The following LITAF variants were observed in gnomAD, a reference collection of about 807,000 sequenced individuals.
The protein encoded by LITAF is lipopolysaccharide induced TNF factor, also known as lipopolysaccharide-induced tumor necrosis factor-alpha factor.
In LITAF, 9 loss-of-function variants were observed where a neutral mutation model predicts 14.5. That is an observed-to-expected ratio of 0.62 (90% CI 0.37 to 1.08). LITAF has a LOEUF of 1.08. Among genes scored for constraint, LITAF ranks in the 50% least tolerant of loss-of-function variants. LITAF has a pLI of 0.01. For missense variants in LITAF, 206 were observed against 213.4 expected, an observed-to-expected ratio of 0.97 and a Z score of 0.22; for synonymous variants, 98 against 88.2, an observed-to-expected ratio of 1.11 and a Z score of -0.62.
chr16:11,636,153 T>C (rs554678265), intron 1 of LITAF: 1 of 152,286 alleles, frequency 6.6e-6, no homozygotes, highest in South Asian at 2.1e-4. Flanking sequence ...TTCTCCAGCC[T>C]CCTCGGAGCC....
At chr16:11,622,878 G>A (rs80225151) in intron 3 of LITAF, among the ~76,000 whole-genome samples, 1,767 of 151,672 alleles carry the variant, frequency 0.012, 22 homozygotes, top group Non-Finnish European at 0.018. Context: ...TGTGAAACAG[G>A]TATTTCGTAT....
chr16:11,548,335 T>C lies in LITAF; in HGVS notation c.*1302A>G, dbSNP rs1338209369. The C allele has an allele frequency of 4.4e-6, 2 of 454,058 alleles. No homozygotes were observed. The highest frequency in any genetic ancestry group is 2.0e-5 in the African/African-American group (1 of 50,116). 28.1% of individuals were successfully genotyped at this position (454,058 alleles called of 1,614,324 possible). ...TGCTGCTTGAGTCCTAGAAATCATG[T>C]CTTCTCATGTTTTACAACAAGCTGT... On this transcript the variant is annotated 3_prime_UTR_variant, in exon 4 of 4. Transcript: ENST00000622633.
At position 11,547,761 on chromosome 16, in the gene LITAF, C is replaced by T. The variant is rs1157690021; in HGVS notation, c.*1876G>A. The T allele has an allele frequency of 2.2e-6, 1 of 453,418 alleles. No homozygotes were observed. The highest frequency in any genetic ancestry group is 4.4e-6 in the Non-Finnish European group (1 of 226,304). 28.1% of individuals were successfully genotyped at this position (453,418 alleles called of 1,614,324 possible). ...TTTTATTAAAACTTGAAAGCTATGG[C>T]TTGCCGCCATCAATGACGCCTATTG... On this transcript the variant is annotated 3_prime_UTR_variant, in exon 4 of 4. Coordinates refer to ENST00000622633, the MANE Select transcript of LITAF (RefSeq NM_001136472.2).
At position 11,553,033 on chromosome 16, in the gene LITAF, T is replaced by G. The variant is rs185230182; in HGVS notation, c.377+500A>C. Among the ~76,000 whole-genome samples, 448 of 152,214 alleles carry G rather than the reference T, an allele frequency of 2.9e-3. 1 individual carries two copies. The highest frequency in any genetic ancestry group is 0.01 in the African/African-American group (435 of 41,550). On this transcript the variant is annotated intron_variant, in intron 3 of 3. Coordinates refer to ENST00000622633, the MANE Select transcript of LITAF (RefSeq NM_001136472.2). This position sits in a 1 kb window ranked among gnomAD's most constrained non-coding sequence, Gnocchi z 7.7. Reference sequence around the variant, plus strand: ...AGGAGGCTGAGGCAGGAGAATAGCTTGAACCTGGGAGGCGGAGGTTGCAGT... The same window carrying G: ...AGGAGGCTGAGGCAGGAGAATAGCTGGAACCTGGGAGGCGGAGGTTGCAGT...
intron 1 of LITAF, among the ~76,000 whole-genome samples, chr16:11,565,886 G>A (rs1330664990): frequency 6.6e-6 from 1 of 151,696 alleles, no homozygotes; most frequent in Non-Finnish European, 1.5e-5. Flanking sequence ...CATTCCTCCT[G>A]GAGCCTCTCT....
At chr16:11,577,843 G>A (rs1288518895) in intron 1 of LITAF, among the ~76,000 whole-genome samples, 2 of 152,118 alleles carry the variant, frequency 1.3e-5, no homozygotes, top group African/African-American at 4.8e-5. Context: ...TCCTCCCTCA[G>A]CCTCTCGAGT....
Position 11,549,826 on chromosome 16 carries a change from C to G in LITAF, c.378-81G>C, listed in dbSNP as rs780496793. On this transcript the variant is annotated intron_variant, in intron 3 of 3. Transcript: ENST00000622633. This position sits in a 1 kb window ranked among gnomAD's most constrained non-coding sequence, Gnocchi z 4.6. The stretch of plus-strand genomic sequence containing the variant: ...TGGCTGCCAAAACCATGTTCATGTC[C>G]TTCTTTGTAAAAAGGGTCTTTGCCA... The G allele has an allele frequency of 9.1e-7, 1 of 1,099,972 alleles. No individual in the cohort carries two copies. The highest frequency in any genetic ancestry group is 1.6e-5 in the African/African-American group (1 of 64,390). The allele number at this position is 1,099,972 out of a possible 1,614,324, so 68.1% of individuals were successfully genotyped here.
At chr16:11,562,249 G>T (rs1420179174) in intron 1 of LITAF, among the ~76,000 whole-genome samples, 1 of 147,948 alleles carries the variant, frequency 6.8e-6, no homozygotes, top group East Asian at 2.0e-4. Context: ...GGGAGATGGA[G>T]GCTGCAGTGA....
rs1050070770 is a variant in LITAF, at chr16:11,586,154, G to A, written c.-6+732C>T. On this transcript the variant is annotated intron_variant, in intron 1 of 3. Coordinates refer to ENST00000622633, the MANE Select transcript of LITAF (RefSeq NM_001136472.2). The surrounding 1 kb of genome is among the most constrained non-coding windows in gnomAD (Gnocchi z 6.5). Reference sequence around the variant, plus strand: ...GTCCCACCAGCACCTACCCAGCACCGGCGGTGGACGGTGAGCGGCGTCTGG... The same window carrying A: ...GTCCCACCAGCACCTACCCAGCACCAGCGGTGGACGGTGAGCGGCGTCTGG... The A allele has an allele frequency of 6.6e-6, 1 of 152,370 alleles. No individual in the cohort carries two copies. Among genetic ancestry groups the A allele is most frequent in the African/African-American group, 2.4e-5 (1 of 41,462 alleles). The allele number at this position is 152,370 out of a possible 1,614,324, so 9.4% of individuals were successfully genotyped here. A position where few individuals can be genotyped will look rare whatever the true frequency, so the allele number is the denominator to read the frequency against.
At chr16:11,559,211 A>G (rs2064319818) in intron 1 of LITAF, among the ~76,000 whole-genome samples, 1 of 152,176 alleles carries the variant, frequency 6.6e-6, no homozygotes, top group African/African-American at 2.4e-5. Context: ...AGCCATGATC[A>G]TGCCACTGCA....
Position 11,548,279 on chromosome 16 carries a change from A to T in LITAF, c.*1358T>A, listed in dbSNP as rs1366800396. Reference sequence around the variant, plus strand: ...GCCCAGCTTTGTCTTGACTTCAAAGATGACACAGCAGCCAACCTAGAATCC... The same window carrying T: ...GCCCAGCTTTGTCTTGACTTCAAAGTTGACACAGCAGCCAACCTAGAATCC... On this transcript the variant is annotated 3_prime_UTR_variant, in exon 4 of 4. Transcript: ENST00000622633. 8 of 453,942 alleles carry T rather than the reference A, an allele frequency of 1.8e-5. No homozygotes were observed. In the East Asian group the frequency reaches 2.1e-4, roughly 12 times the overall value. The allele number at this position is 453,942 out of a possible 1,614,324, so 28.1% of individuals were successfully genotyped here.
chr16:11,551,920 C>CTT (rs34257398), intron 3 of LITAF: 198 of 368,426 alleles, frequency 5.4e-4, no homozygotes, highest in East Asian at 2.1e-3. Flanking sequence ...AGGCAATGGA[C>CTT]TTTTTTTTTT....
upstream of LITAF, among the ~76,000 whole-genome samples, chr16:11,588,521 GA>G (rs1213450078): frequency 1.0e-3 from 85 of 81,986 alleles, no homozygotes; most frequent in South Asian, 3.7e-3. Flanking sequence ...AAAAGAGAAA[GA>G]AAAAAAAAAG....
chr16:11,589,171 G>C (rs748650060), upstream of LITAF, among the ~76,000 whole-genome samples: 1 of 152,096 alleles, frequency 6.6e-6, no homozygotes, highest in Non-Finnish European at 1.5e-5. Flanking sequence ...TCCAACCAGG[G>C]GGTAAAAGTA....
In LITAF at chr16:11,547,868, A is replaced by G; in HGVS notation, c.*1769T>C. On this transcript the variant is annotated 3_prime_UTR_variant, in exon 4 of 4. Transcript: ENST00000622633. ...ATCGGTCATCTTGACATTGCAGGAT[A>G]TTCAGCAAGTCTGAAGTTTTTAATC... The G allele has an allele frequency of 2.2e-6, 1 of 454,160 alleles. No homozygotes were observed. Among genetic ancestry groups the G allele is most frequent in the South Asian group, 1.6e-5 (1 of 64,478 alleles). 28.1% of individuals were successfully genotyped at this position (454,160 alleles called of 1,614,324 possible). A position where few individuals can be genotyped will look rare whatever the true frequency, so the allele number is the denominator to read the frequency against.
At chr16:11,636,187 T>C (rs2065137440) in intron 1 of LITAF, 1 of 152,222 alleles carries the variant, frequency 6.6e-6, no homozygotes, top group African/African-American at 2.4e-5. Flanking sequence ...CAGGTGTGCT[T>C]GCTCCAGATG....
rs1446558636 is a variant in LITAF at position 11,553,436 on chromosome 16, C to A, written c.377+97G>T. On this transcript the variant is annotated intron_variant, in intron 3 of 3. Transcript: ENST00000622633. The surrounding 1 kb of genome is among the most constrained non-coding windows in gnomAD (Gnocchi z 7.7). Reference sequence around the variant, plus strand: ...AAAAAAAAACAACACAAATGTCTGGCCCTGAATGTCAAGCATGGTGCAGTT... The same window carrying A: ...AAAAAAAAACAACACAAATGTCTGGACCTGAATGTCAAGCATGGTGCAGTT... 2 of 1,302,778 alleles carry A rather than the reference C, an allele frequency of 1.5e-6. No homozygotes were observed. The highest frequency in any genetic ancestry group is 2.2e-6 in the Non-Finnish European group (2 of 920,740). The allele number at this position is 1,302,778 out of a possible 1,614,324, so 80.7% of individuals were successfully genotyped here. A position where few individuals can be genotyped will look rare whatever the true frequency, so the allele number is the denominator to read the frequency against.
At chr16:11,590,520 T>C (rs1268946061), upstream of LITAF, among the ~76,000 whole-genome samples, 2 of 117,516 alleles carry the variant, frequency 1.7e-5, 1 homozygote, top group Non-Finnish European at 3.4e-5. Context: ...TGTGATAAAG[T>C]ATTGAATTAA....
rs1440203210 is a variant in LITAF, at chr16:11,563,035, G to A, written c.-5-6300C>T. Among the ~76,000 whole-genome samples the A allele has an allele frequency of 3.3e-5, 5 of 150,532 alleles. No homozygotes were observed. The East Asian group carries it at 5.9e-4, about 18-fold the overall frequency. On this transcript the variant is annotated intron_variant, in intron 1 of 3. Coordinates refer to ENST00000622633, the MANE Select transcript of LITAF (RefSeq NM_001136472.2). ...CCCAGCTATTAAGGAAGCTGAGGTCGGAGGATTTGCTCGAGCCTGGGAGCT... is the reference window on the plus strand; with the variant it reads ...CCCAGCTATTAAGGAAGCTGAGGTCAGAGGATTTGCTCGAGCCTGGGAGCT...
Sources: gnomAD v4.1 joint callset for allele counts (sites outside exome capture counted in the v4.1 genomes callset) on GRCh38, gnomAD v4.1.1 for gene constraint, Gnocchi (gnomAD v3.1) non-coding constraint, MANE v1.5 for transcripts, NCBI Gene and HGNC (gene_info 2026-07-23, HGNC 2026-07-21) for gene names.